The following SH3BP4 variants were observed in gnomAD, a reference collection of about 807,000 sequenced individuals.
SH3BP4 encodes the protein SH3 domain binding protein 4.
Under a neutral mutation model 65.5 loss-of-function variants are expected in SH3BP4, and 33 were observed. The ratio of observed to expected loss-of-function variants is 0.50; its 90% CI spans 0.38 to 0.67. The LOEUF is 0.67. Ranked by LOEUF, SH3BP4 falls within the 30% of genes least tolerant of loss-of-function variation. SH3BP4 has a pLI of 0.00. For synonymous variants in SH3BP4, 552 were observed against 545.5 expected, an observed-to-expected ratio of 1.01 and a Z score of -0.17; for missense variants, 1,134 against 1,261.4, an observed-to-expected ratio of 0.90 and a Z score of 1.53.
chr2:235,041,554 C>T lies in SH3BP4; in HGVS notation c.785C>T (p.Ser262Leu), dbSNP rs1251325330. ...VLQAKSDAPTSSSFFTGLKSP... is the reference protein window; with the variant it reads ...VLQAKSDAPTLSSFFTGLKSP... ...CAAGCCAAGTCCGATGCTCCCACAT[C>T]GTCGAGTTTCTTCACCGGCTTGAAA... is the stretch of plus-strand genomic sequence containing the variant. The change falls in exon 4 of 6, where the codon TCG becomes TTG. Residue 262 changes from serine (S) to leucine (L), a missense_variant. Coordinates refer to ENST00000392011, the MANE Select transcript of SH3BP4 (RefSeq NM_014521.3). The surrounding 1 kb of genome is among the most constrained non-coding windows in gnomAD (Gnocchi z 6.0). The T allele has an allele frequency of 2.5e-6, 4 of 1,614,140 alleles. No individual in the cohort carries two copies. The highest frequency in any genetic ancestry group is 2.2e-5 in the East Asian group (1 of 44,866).
rs902671021 is a variant in SH3BP4 at position 235,035,288 on chromosome 2, A to C, written c.118+168A>C. On this transcript the variant is annotated intron_variant, in intron 3 of 5. Coordinates refer to ENST00000392011, the MANE Select transcript of SH3BP4 (RefSeq NM_014521.3). This position sits in a 1 kb window ranked among gnomAD's most constrained non-coding sequence, Gnocchi z 5.0. ...TAGATTTAGCCCTGGAATCATAGTCACTTGTCTTATTTTTTGGTTCCCCCT... is the reference window on the plus strand; with the variant it reads ...TAGATTTAGCCCTGGAATCATAGTCCCTTGTCTTATTTTTTGGTTCCCCCT... 6.6e-6 allele frequency among the ~76,000 whole-genome samples: 1 copy of C among 152,112 alleles called. No individual in the cohort carries two copies. Among genetic ancestry groups the C allele is most frequent in the African/African-American group, 2.4e-5 (1 of 41,410 alleles).
chr2:235,042,238 C>T lies in SH3BP4; in HGVS notation c.1469C>T (p.Thr490Met), dbSNP rs576498199. Reference protein sequence around the residue: ...GPKHIHPSFKTVVTIFGHDCA... With the variant: ...GPKHIHPSFKMVVTIFGHDCA... ...AAACACATCCACCCATCCTTCAAGACGGTAGTGACCATTTTTGGGCATGAC... is the reference window on the plus strand; with the variant it reads ...AAACACATCCACCCATCCTTCAAGATGGTAGTGACCATTTTTGGGCATGAC... Residue 490 changes from threonine to methionine, a missense_variant, in exon 4 of 6, where the codon ACG becomes ATG. Transcript: ENST00000392011. The surrounding 1 kb of genome is among the most constrained non-coding windows in gnomAD (Gnocchi z 7.3). 8.5e-5 allele frequency: 137 copies of T among 1,614,086 alleles called. 1 individual carries two copies. The East Asian group carries it at 1.6e-3, about 19-fold the overall frequency.
At chr2:235,039,764 A>G (rs958978502) in intron 3 of SH3BP4, among the ~76,000 whole-genome samples, 1 of 152,230 alleles carries the variant, frequency 6.6e-6, no homozygotes, top group African/African-American at 2.4e-5. Flanking sequence ...CATTGGTAAC[A>G]TACAGAGTTC....
intron 3 of SH3BP4, among the ~76,000 whole-genome samples, chr2:235,039,613 G>A (rs1695573111): frequency 6.6e-6 from 1 of 152,070 alleles, no homozygotes; most frequent in African/African-American, 2.4e-5. Flanking sequence ...GGAGTCCTGG[G>A]GAGAAGTATA....
chr2:234,958,967 G>A (rs1036926843), intron 1 of SH3BP4, among the ~76,000 whole-genome samples: 5 of 152,032 alleles, frequency 3.3e-5, no homozygotes, highest in African/African-American at 1.2e-4. Context: ...AATTCTCCTT[G>A]GGGTACCCGT....
intron 4 of SH3BP4, among the ~76,000 whole-genome samples, chr2:235,044,914 C>T (rs140471027): frequency 4.6e-5 from 7 of 152,166 alleles, no homozygotes; most frequent in African/African-American, 7.2e-5. Context: ...GAACTGGAAG[C>T]GGCCGTCAGG....
At chr2:234,955,926 C>T (rs965385582) in intron 1 of SH3BP4, among the ~76,000 whole-genome samples, 1 of 152,138 alleles carries the variant, frequency 6.6e-6, no homozygotes, top group Non-Finnish European at 1.5e-5. Flanking sequence ...GGGATTTGAA[C>T]CTGGATCTGT....
At chr2:235,008,860 A>C (rs1230067474) in intron 2 of SH3BP4, among the ~76,000 whole-genome samples, 1 of 152,232 alleles carries the variant, frequency 6.6e-6, no homozygotes, top group Non-Finnish European at 1.5e-5. Flanking sequence ...GCTTTAAAAA[A>C]GAAAGCAATG....
intron 2 of SH3BP4, among the ~76,000 whole-genome samples, chr2:235,021,645 A>G: frequency 6.6e-6 from 1 of 152,148 alleles, no homozygotes; most frequent in South Asian, 2.1e-4. Context: ...AATGATAATA[A>G]TAAAGTTTAT....
intron 1 of SH3BP4, among the ~76,000 whole-genome samples, chr2:234,956,737 C>G (rs1692597935): frequency 6.7e-6 from 1 of 150,296 alleles, no homozygotes. Flanking sequence ...TTTTTAAATT[C>G]TTGTAGAAAT....
Position 235,030,909 on chromosome 2 carries a change from C to A in SH3BP4, c.-132-3962C>A, listed in dbSNP as rs1312911542. ...CTGCCCTCTTTCTGTACTGTAAAAA[C>A]GGCCCCAAGGGTGCGGACAGGGGGC... On this transcript the variant is annotated intron_variant, in intron 2 of 5. Coordinates refer to ENST00000392011, the MANE Select transcript of SH3BP4 (RefSeq NM_014521.3). The surrounding 1 kb of genome is among the most constrained non-coding windows in gnomAD (Gnocchi z 4.1). Among the ~76,000 whole-genome samples the A allele has an allele frequency of 6.6e-6, 1 of 152,152 alleles. No homozygotes were observed. Among genetic ancestry groups the A allele is most frequent in the Non-Finnish European group, 1.5e-5 (1 of 68,020 alleles).
intron 2 of SH3BP4, among the ~76,000 whole-genome samples, chr2:235,007,720 AGGCTGCGGCCATCCTGAGCCCG>A (rs1003019416): frequency 1.2e-4 from 19 of 152,116 alleles, no homozygotes; most frequent in African/African-American, 2.7e-4. Context: ...AGTGCTTGAG[AGGCTGCGGCCATCCTGAGCCCG>A]GGCTGCGGCC....
rs35039245 is a variant in SH3BP4 at position 235,041,747 on chromosome 2, C to T, written c.978C>T (p.Ser326=). The change falls in exon 4 of 6, where the codon TCC becomes TCT. Residue 326 remains serine, a synonymous_variant. Coordinates refer to ENST00000392011, the MANE Select transcript of SH3BP4 (RefSeq NM_014521.3). This position sits in a 1 kb window ranked among gnomAD's most constrained non-coding sequence, Gnocchi z 6.0. ...ETNIVCKLDS[S]GGAVQLPDTS... ...ACATCGTGTGCAAGCTGGATAGCTC[C>T]GGGGGTGCTGTCCAGCTTCCTGACA... 50,669 of 1,607,266 alleles carry T rather than the reference C, an allele frequency of 0.032. 953 individuals are homozygous for T. The highest frequency in any genetic ancestry group is 0.036 in the Non-Finnish European group (42,450 of 1,175,720).
intron 4 of SH3BP4, among the ~76,000 whole-genome samples, chr2:235,044,510 AG>A (rs1695781335): frequency 6.6e-6 from 1 of 151,954 alleles, no homozygotes; most frequent in South Asian, 2.1e-4. Context: ...TCCTCCGGAG[AG>A]GGGCGCATTG....
At chr2:234,964,286 A>G (rs1692784305) in intron 1 of SH3BP4, among the ~76,000 whole-genome samples, 1 of 152,182 alleles carries the variant, frequency 6.6e-6, no homozygotes. Context: ...GGGCCCTGAC[A>G]TCAAGCCTGA....
chr2:234,973,133 A>G (rs1048779057), intron 1 of SH3BP4, among the ~76,000 whole-genome samples: 1 of 152,190 alleles, frequency 6.6e-6, no homozygotes, highest in African/African-American at 2.4e-5. Flanking sequence ...CATTACTGTG[A>G]GCTAAATCAC....
At chr2:235,037,593 C>T (rs1695427069) in intron 3 of SH3BP4, among the ~76,000 whole-genome samples, 1 of 152,152 alleles carries the variant, frequency 6.6e-6, no homozygotes, top group Non-Finnish European at 1.5e-5. Flanking sequence ...GGGAATTATT[C>T]TGAGGGAGCA....
At chr2:234,987,586 G>T (rs962414977) in intron 1 of SH3BP4, among the ~76,000 whole-genome samples, 2 of 152,136 alleles carry the variant, frequency 1.3e-5, no homozygotes, top group Non-Finnish European at 2.9e-5. Context: ...GCGGCTCATG[G>T]TGTCCCCCCA....
rs1478195935 is a variant in SH3BP4, at chr2:235,055,484, A to T, written c.*1668A>T. On this transcript the variant is annotated 3_prime_UTR_variant, in exon 6 of 6. Transcript: ENST00000392011. ...TCAACTCCACCCCATAATTTCTCCC[A>T]GAGACCATCTATCACCTTTTCCCCA... 6.6e-6 allele frequency: 1 copy of T among 152,642 alleles called. No individual in the cohort carries two copies. Among genetic ancestry groups the T allele is most frequent in the Non-Finnish European group, 1.5e-5 (1 of 68,050 alleles). 9.5% of individuals were successfully genotyped at this position (152,642 alleles called of 1,614,324 possible). A position where few individuals can be genotyped will look rare whatever the true frequency, so the allele number is the denominator to read the frequency against.
Sources: allele counts gnomAD v4.1 joint callset (sites outside exome capture counted in the v4.1 genomes callset), GRCh38; gene constraint gnomAD v4.1.1; non-coding constraint Gnocchi (gnomAD v3.1); transcripts MANE v1.5; gene names NCBI Gene and HGNC (gene_info 2026-07-23, HGNC 2026-07-21).